Variants in HTT observed in about 807,000 individuals in gnomAD.
HTT encodes the protein huntington disease protein.
In HTT, 104 loss-of-function variants were observed where a neutral mutation model predicts 362.3. The ratio of observed to expected loss-of-function variants is 0.29; its 90% CI spans 0.24 to 0.34. The LOEUF (loss-of-function observed/expected upper bound fraction) is 0.34. HTT is among the 10% of genes least tolerant of loss of function. The probability of loss-of-function intolerance (pLI) is 1.00; values close to 1 mark genes in which losing one functional copy is unlikely to be tolerated. For missense variants in HTT, 3,301 were observed against 3,928.6 expected (o/e 0.84, Z 4.27); for synonymous variants, 1,577 against 1,548.7 (o/e 1.02, Z -0.43).
chr4:3,136,174 A>C (rs1327556286), intron 20 of HTT, 52 bp from the exon 21 acceptor site: 12 of 1,294,442 alleles, frequency 9.3e-6, no homozygotes, highest in Non-Finnish European at 1.2e-5. Context: ...TCTTACCTAA[A>C]ATTTAGTCAA....
intron 14 of HTT, among the ~76,000 whole-genome samples, chr4:3,130,708 C>T (rs1449118019): frequency 3.3e-5 from 5 of 152,324 alleles, no homozygotes; most frequent in African/African-American, 4.8e-5. Context: ...TTGATGGTTG[C>T]GTATGGCCTG....
At chr4:3,183,460 T>C (rs1718617921) in intron 37 of HTT, among the ~76,000 whole-genome samples, 1 of 152,244 alleles carries the variant, frequency 6.6e-6, no homozygotes, top group Admixed American at 6.5e-5. Flanking sequence ...TTTGTTCATC[T>C]TGATTATACA....
intron 25 of HTT, 24 bp downstream of exon 25, chr4:3,146,972 G>A: frequency 6.2e-7 from 1 of 1,613,032 alleles, no homozygotes. Flanking sequence ...GTTGAAACAG[G>A]GACTCCAGGA....
chr4:3,075,552 G>A (rs563589820), intron 1 of HTT, among the ~76,000 whole-genome samples: 1 of 151,842 alleles, frequency 6.6e-6, no homozygotes, highest in East Asian at 1.9e-4. Flanking sequence ...TGGGGGCGCG[G>A]GACACTTCGA....
At chr4:3,094,720 A>G (rs1578492838) in intron 2 of HTT, among the ~76,000 whole-genome samples, 1 of 121,134 alleles carries the variant, frequency 8.3e-6, no homozygotes, top group East Asian at 2.2e-4. Flanking sequence ...GCTGCCCCCC[A>G]CCTCCCGGAC....
intron 51 of HTT, among the ~76,000 whole-genome samples, chr4:3,217,286 G>C (rs961397678): frequency 6.6e-6 from 1 of 152,166 alleles, no homozygotes; most frequent in African/African-American, 2.4e-5. Context: ...GAGTTTCCAT[G>C]CCCACCAGAA....
At chr4:3,112,562 G>A (rs1034570518) in intron 6 of HTT, among the ~76,000 whole-genome samples, 4 of 152,210 alleles carry the variant, frequency 2.6e-5, no homozygotes, top group African/African-American at 9.7e-5. Flanking sequence ...AAGTTCATGA[G>A]AGTCTTCTAT....
At chr4:3,230,075 T>C (rs776740642) in intron 60 of HTT, 33 bp downstream of exon 60, 1 of 1,597,014 alleles carries the variant, frequency 6.3e-7, no homozygotes, top group East Asian at 2.2e-5. Context: ...GTTTCTGTGC[T>C]GAAGCCACGG....
intron 47 of HTT, among the ~76,000 whole-genome samples, chr4:3,210,614 G>C (rs1720107496): frequency 6.6e-6 from 1 of 151,954 alleles, no homozygotes; most frequent in African/African-American, 2.4e-5. Context: ...AGCAGTGGGG[G>C]GGCCACCTCT....
chr4:3,206,398 G>A lies in HTT; in HGVS notation c.5719-98G>A, dbSNP rs912447301. The A allele has an allele frequency of 4.5e-6, 4 of 881,434 alleles. No homozygotes were observed. The highest frequency in any genetic ancestry group is 3.3e-5 in the African/African-American group (2 of 59,886). The allele number at this position is 881,434 out of a possible 1,614,324, so 54.6% of individuals were successfully genotyped here. ...TTAGTGAGGTTTATATTTGGGATGT[G>A]TTTTCTCCTTCTTACCCTTTCTGGC... On this transcript the variant is annotated intron_variant, in intron 42 of 66. Coordinates refer to ENST00000355072, the MANE Select transcript of HTT (RefSeq NM_001388492.1). This position sits in a 1 kb window ranked among gnomAD's most constrained non-coding sequence, Gnocchi z 4.6.
intron 29 of HTT, among the ~76,000 whole-genome samples, chr4:3,163,758 G>A (rs1326768974): frequency 3.3e-5 from 5 of 152,112 alleles, no homozygotes; most frequent in South Asian, 2.1e-4. Context: ...CTGTGGGATC[G>A]GTGGTGATAT....
chr4:3,177,413 T>G (rs1330310484), intron 34 of HTT, 26 bp downstream of exon 34: 1 of 1,468,348 alleles, frequency 6.8e-7, no homozygotes, highest in South Asian at 1.3e-5. Context: ...TATTTTAGAT[T>G]TTTTTCTTCT....
intron 33 of HTT, among the ~76,000 whole-genome samples, chr4:3,175,816 A>G (rs1017314664): frequency 1.3e-5 from 2 of 152,118 alleles, no homozygotes; most frequent in Admixed American, 6.5e-5. Context: ...ATCTTGGGCT[A>G]CTTTCTTATG....
chr4:3,223,331 A>G, intron 54 of HTT, 75 bp from the exon 55 acceptor site: 1 of 1,394,840 alleles, frequency 7.2e-7, no homozygotes, highest in East Asian at 2.4e-5. Flanking sequence ...GAGGCAGGGA[A>G]GACTCTGGGT....
intron 36 of HTT, among the ~76,000 whole-genome samples, chr4:3,181,789 G>T (rs1251238586): frequency 6.6e-6 from 1 of 152,136 alleles, no homozygotes; most frequent in Non-Finnish European, 1.5e-5. Context: ...AGAGCTGCTT[G>T]GGTGGGTGGG....
At chr4:3,095,814 G>A (rs749065987) in intron 2 of HTT, among the ~76,000 whole-genome samples, 2 of 152,128 alleles carry the variant, frequency 1.3e-5, no homozygotes, top group African/African-American at 2.4e-5. Flanking sequence ...TAATAAAAAT[G>A]GTGAATCCCA....
At chr4:3,235,185 C>T (rs1270446142) in intron 61 of HTT, 99 bp from the exon 62 acceptor site, 13 of 879,240 alleles carry the variant, frequency 1.5e-5, no homozygotes, top group South Asian at 7.4e-5. Context: ...GCCCGCCTGG[C>T]CCATAGCTCT....
chr4:3,172,418 C>G (rs776923825), intron 30 of HTT, 21 bp downstream of exon 30: 15 of 1,532,642 alleles, frequency 9.8e-6, no homozygotes, highest in Non-Finnish European at 1.4e-5. Context: ...CATTCTTTTC[C>G]TCTTCTGTTA....
chr4:3,147,901 T>C, intron 25 of HTT, 104 bp from the exon 26 acceptor site: 1 of 839,568 alleles, frequency 1.2e-6, no homozygotes, highest in Non-Finnish European at 1.9e-6. Flanking sequence ...CACAGATGTC[T>C]GGCCAACTCT....
Sources: gnomAD v4.1 joint callset for allele counts (sites outside exome capture counted in the v4.1 genomes callset) on GRCh38, gnomAD v4.1.1 for gene constraint, Gnocchi (gnomAD v3.1) non-coding constraint, MANE v1.5 for transcripts, NCBI Gene and HGNC (gene_info 2026-07-23, HGNC 2026-07-21) for gene names.